LRRC8D: variants seen among roughly 807,000 people sequenced by gnomAD.
LRRC8D encodes leucine rich repeat containing 8 VRAC subunit D.
LRRC8D carries 20 observed loss-of-function variants against 55.8 expected under a neutral mutation model. That is an observed-to-expected ratio of 0.36 (90% CI 0.25 to 0.52). The LOEUF (loss-of-function observed/expected upper bound fraction) is 0.52. Among genes scored for constraint, LRRC8D ranks in the 20% least tolerant of loss-of-function variants. The pLI is 0.93. For synonymous variants in LRRC8D, 352 were observed against 377.0 expected, an observed-to-expected ratio of 0.93 and a Z score of 0.77; for missense variants, 651 against 1,030.8, an observed-to-expected ratio of 0.63 and a Z score of 5.05.
intron 2 of LRRC8D, among the ~76,000 whole-genome samples, chr1:89,868,899 TTTTTG>T (rs371916598): frequency 1.3e-5 from 2 of 152,206 alleles, no homozygotes; most frequent in South Asian, 2.1e-4. Context: ...TGTTGTTGTT[TTTTTG>T]TTTTGTTTTG....
intron 1 of LRRC8D, chr1:89,821,809 CG>C: frequency 6.6e-6 from 1 of 151,292 alleles, no homozygotes; most frequent in Non-Finnish European, 1.5e-5. Flanking sequence ...GCCCGGCGGG[CG>C]GGGGCGGGGA....
chr1:89,868,219 A>C (rs1661901153), intron 2 of LRRC8D, among the ~76,000 whole-genome samples: 1 of 152,216 alleles, frequency 6.6e-6, no homozygotes. Flanking sequence ...TCTGGCACAA[A>C]ATATTTATTC....
chr1:89,827,182 C>T (rs199644776), intron 1 of LRRC8D, among the ~76,000 whole-genome samples: 1 of 152,070 alleles, frequency 6.6e-6, no homozygotes, highest in East Asian at 1.9e-4. Flanking sequence ...GAAACCCCGT[C>T]TCTACTAAAA....
At chr1:89,914,476 G>A (rs930711534) in intron 2 of LRRC8D, among the ~76,000 whole-genome samples, 1 of 152,222 alleles carries the variant, frequency 6.6e-6, no homozygotes, top group Admixed American at 6.5e-5. Flanking sequence ...AGGAGGTGCC[G>A]AGAGCAAGCA....
At chr1:89,907,472 G>C (rs570113916) in intron 2 of LRRC8D, among the ~76,000 whole-genome samples, 62 of 152,188 alleles carry the variant, frequency 4.1e-4, no homozygotes, top group Admixed American at 2.9e-3. Context: ...TTACAAGTGC[G>C]AGCCACCATG....
chr1:89,857,566 G>GA (rs1661591740), intron 2 of LRRC8D, among the ~76,000 whole-genome samples: 2 of 152,096 alleles, frequency 1.3e-5, no homozygotes, highest in Non-Finnish European at 2.9e-5. Flanking sequence ...GAAATAAGCT[G>GA]AAAATCTATG....
chr1:89,911,683 A>G lies in LRRC8D; in HGVS notation c.-2-21384A>G, dbSNP rs1404836663. On this transcript the variant is annotated intron_variant, in intron 2 of 2. Transcript: ENST00000337338. The surrounding 1 kb of genome is among the most constrained non-coding windows in gnomAD (Gnocchi z 4.0). ...GAGGTGAATATTCACTTTCCCACATACCCTTGCACACGTGAGCCAGACTTT... is the reference window on the plus strand; with the variant it reads ...GAGGTGAATATTCACTTTCCCACATGCCCTTGCACACGTGAGCCAGACTTT... Among the ~76,000 whole-genome samples the G allele has an allele frequency of 7.4e-6, 1 of 135,072 alleles. No individual in the cohort carries two copies. Among genetic ancestry groups the G allele is most frequent in the East Asian group, 2.1e-4 (1 of 4,876 alleles). The allele number at this position is 135,072 out of a possible 152,430, so 88.6% of individuals were successfully genotyped here.
intron 2 of LRRC8D, among the ~76,000 whole-genome samples, chr1:89,916,550 T>C (rs1222726779): frequency 2.0e-5 from 3 of 152,264 alleles, no homozygotes; most frequent in Non-Finnish European, 2.9e-5. Context: ...ATAGCGATTA[T>C]ATTGCCAAAG....
intron 2 of LRRC8D, among the ~76,000 whole-genome samples, chr1:89,854,554 A>G (rs2100775794): frequency 6.6e-6 from 1 of 152,344 alleles, no homozygotes; most frequent in Admixed American, 6.5e-5. Flanking sequence ...TTCTAGTCCT[A>G]GTTCTTCCAT....
At chr1:89,849,460 C>G (rs563154870) in intron 2 of LRRC8D, among the ~76,000 whole-genome samples, 1 of 149,812 alleles carries the variant, frequency 6.7e-6, no homozygotes, top group Non-Finnish European at 1.5e-5. Context: ...TAGTTGCCAA[C>G]TTTATATCTC....
intron 2 of LRRC8D, among the ~76,000 whole-genome samples, chr1:89,898,855 A>C (rs940805662): frequency 6.6e-6 from 1 of 152,208 alleles, no homozygotes; most frequent in Admixed American, 6.5e-5. Flanking sequence ...TCCCAGATAG[A>C]GTAGAGGAAT....
chr1:89,889,028 CT>C (rs1355093802), intron 2 of LRRC8D, among the ~76,000 whole-genome samples: 5 of 152,208 alleles, frequency 3.3e-5, no homozygotes, highest in African/African-American at 1.2e-4. Context: ...TGCATGGTGA[CT>C]TCCCTCCAAA....
At chr1:89,925,960 G>A (rs1033079264) in intron 2 of LRRC8D, among the ~76,000 whole-genome samples, 1 of 152,164 alleles carries the variant, frequency 6.6e-6, no homozygotes, top group Non-Finnish European at 1.5e-5. Flanking sequence ...TCTGTACAGG[G>A]GTATACCAGA....
intron 2 of LRRC8D, among the ~76,000 whole-genome samples, chr1:89,886,640 G>A (rs1274218349): frequency 1.3e-5 from 2 of 152,080 alleles, no homozygotes; most frequent in Admixed American, 6.5e-5. Context: ...TGGTGTATTC[G>A]CAGCCCATAA....
chr1:89,869,977 G>A (rs928273357), intron 2 of LRRC8D, among the ~76,000 whole-genome samples: 1 of 151,720 alleles, frequency 6.6e-6, no homozygotes, highest in Non-Finnish European at 1.5e-5. Context: ...CCATGATGGT[G>A]CACACCTGCA....
chr1:89,843,619 C>G lies in LRRC8D; in HGVS notation c.-147-19C>G, dbSNP rs1447476285. The G allele has an allele frequency of 1.4e-6, 1 of 702,152 alleles. No homozygotes were observed. The highest frequency in any genetic ancestry group is 2.6e-6 in the Non-Finnish European group (1 of 384,736). The allele number at this position is 702,152 out of a possible 1,614,324, so 43.5% of individuals were successfully genotyped here. ...CTTGGATCTCTCTAGCTCTTTCTCTCCCCTGTGTTTTCAAACAGGAAGTGC... is the reference window on the plus strand; with the variant it reads ...CTTGGATCTCTCTAGCTCTTTCTCTGCCCTGTGTTTTCAAACAGGAAGTGC... On this transcript the variant is annotated intron_variant, in intron 1 of 2. Transcript: ENST00000337338.
intron 2 of LRRC8D, among the ~76,000 whole-genome samples, chr1:89,908,486 A>G (rs1663052032): frequency 1.3e-5 from 2 of 152,068 alleles, no homozygotes; most frequent in African/African-American, 4.8e-5. Context: ...TGTTGTTATC[A>G]TCATCATCTG....
chr1:89,881,838 T>A (rs1196440204), intron 2 of LRRC8D, among the ~76,000 whole-genome samples: 2 of 152,170 alleles, frequency 1.3e-5, no homozygotes, highest in Non-Finnish European at 2.9e-5. Flanking sequence ...TGATGACCCT[T>A]GGCCCAGAAC....
intron 1 of LRRC8D, among the ~76,000 whole-genome samples, chr1:89,830,998 C>A (rs149622985): frequency 1.1e-4 from 16 of 151,426 alleles, no homozygotes; most frequent in Admixed American, 1.1e-3. Context: ...CTCCGCCTCC[C>A]GGGTTCAAGC....
Sources: gnomAD v4.1 joint callset for allele counts (sites outside exome capture counted in the v4.1 genomes callset) on GRCh38, gnomAD v4.1.1 for gene constraint, Gnocchi (gnomAD v3.1) non-coding constraint, MANE v1.5 for transcripts, NCBI Gene and HGNC (gene_info 2026-07-23, HGNC 2026-07-21) for gene names.